Variants in ADAMTSL2 observed in about 807,000 individuals in gnomAD.
ADAMTSL2 encodes the protein ADAMTS like 2.
ADAMTSL2 carries 55 observed loss-of-function variants against 117.0 expected under a neutral mutation model. The ratio of observed to expected loss-of-function variants is 0.47; its 90% CI spans 0.38 to 0.59. The LOEUF (loss-of-function observed/expected upper bound fraction) is 0.59. ADAMTSL2 is among the 20% of genes least tolerant of loss of function. The pLI is 0.00. For synonymous variants in ADAMTSL2, 572 were observed against 566.4 expected (o/e 1.01, Z -0.14); for missense variants, 1,182 against 1,354.5 (o/e 0.87, Z 2.00).
At position 133,556,110 on chromosome 9, in the gene ADAMTSL2, A is replaced by G. The variant is rs927135584; in HGVS notation, c.1649+180A>G. ...CACTCGCTGCCCCGTGGATCTGAGC[A>G]CAAAGTCAGAGGCCTGGGCTGCAGT... is the stretch of plus-strand genomic sequence containing the variant. On this transcript the variant is annotated intron_variant, in intron 11 of 18. Coordinates refer to ENST00000651351, the MANE Select transcript of ADAMTSL2 (RefSeq NM_014694.4). Among the ~76,000 whole-genome samples, 4 of 152,354 alleles carry G rather than the reference A, an allele frequency of 2.6e-5. No homozygotes were observed. In the South Asian group the frequency reaches 8.3e-4, roughly 32 times the overall value.
chr9:133,566,026 C>G (rs1297353111), intron 12 of ADAMTSL2, among the ~76,000 whole-genome samples: 3 of 152,140 alleles, frequency 2.0e-5, no homozygotes, highest in African/African-American at 4.8e-5. Context: ...ACGAAAGAAG[C>G]AGAAGGTGGA....
In ADAMTSL2 at chr9:133,554,649, G is replaced by C. The variant is rs1354448523; in HGVS notation, c.1232G>C (p.Gly411Ala). 1 of 1,527,820 alleles carries C rather than the reference G, an allele frequency of 6.5e-7. No homozygotes were observed. The highest frequency in any genetic ancestry group is 2.4e-5 in the East Asian group (1 of 41,128). 94.6% of individuals were successfully genotyped at this position (1,527,820 alleles called of 1,614,324 possible). Residue 411 changes from glycine (G) to alanine (A), a missense_variant, in exon 10 of 19, where the codon GGC becomes GCC. By Grantham distance (60) the Gly-to-Ala change is moderately conservative (BLOSUM62 0). Transcript: ENST00000651351. This position sits in a 1 kb window ranked among gnomAD's most constrained non-coding sequence, Gnocchi z 5.2. ...ACCAACGAGGTGTGCGAGCAGGCCG[G>C]CGGCGGGGCCTGCGAGGGGCCCCCC... ...QETNEVCEQAGGGACEGPPRG... is the reference protein window; with the variant it reads ...QETNEVCEQAAGGACEGPPRG...
chr9:133,539,378 G>A (rs960779790), intron 4 of ADAMTSL2, among the ~76,000 whole-genome samples: 25 of 152,200 alleles, frequency 1.6e-4, no homozygotes, highest in Middle Eastern at 3.2e-3. Context: ...GCCACGGACC[G>A]TGTGCCAGGC....
intron 10 of ADAMTSL2, 38 bp from the exon 11 acceptor site, chr9:133,555,520 G>A (rs1588294288): frequency 7.4e-6 from 12 of 1,612,648 alleles, no homozygotes; most frequent in Middle Eastern, 1.7e-4. Flanking sequence ...CCCAGGGCTC[G>A]GATGTGCCCA....
chr9:133,540,484 T>C, intron 5 of ADAMTSL2, 114 bp from the exon 6 acceptor site: 2 of 1,416,484 alleles, frequency 1.4e-6, no homozygotes, highest in Non-Finnish European at 1.9e-6. Flanking sequence ...TCTCCAGGCC[T>C]GAGTTGCCCC....
chr9:133,570,575 G>T (rs937402803), intron 17 of ADAMTSL2, 68 bp downstream of exon 17: 1 of 1,517,878 alleles, frequency 6.6e-7, no homozygotes, highest in Non-Finnish European at 9.0e-7. Context: ...CGCCCCTCCC[G>T]CCTCAAGCCT....
chr9:133,549,503 A>ATTCTTTGG (rs1227295388), intron 9 of ADAMTSL2, among the ~76,000 whole-genome samples: 2 of 149,770 alleles, frequency 1.3e-5, no homozygotes, highest in African/African-American at 4.9e-5. Flanking sequence ...TGCCACATAG[A>ATTCTTTGG]TTCTTTGGCC....
upstream of ADAMTSL2, chr9:133,534,246 C>T (rs934418369): frequency 6.5e-6 from 1 of 153,416 alleles, no homozygotes; most frequent in Non-Finnish European, 1.5e-5. Context: ...TTCTGAGGCT[C>T]GTGACCTGGG....
chr9:133,550,611 T>G (rs1830459677), intron 9 of ADAMTSL2, among the ~76,000 whole-genome samples: 1 of 152,162 alleles, frequency 6.6e-6, no homozygotes. Flanking sequence ...AGGGGTCTGA[T>G]GTGATCAGCT....
At chr9:133,535,252 C>T (rs1409038801) in intron 1 of ADAMTSL2, among the ~76,000 whole-genome samples, 1 of 152,078 alleles carries the variant, frequency 6.6e-6, no homozygotes, top group Non-Finnish European at 1.5e-5. Flanking sequence ...AGTGTGAGGC[C>T]GGCTGGCACC....
At chr9:133,535,467 TG>T (rs1429341856) in intron 1 of ADAMTSL2, among the ~76,000 whole-genome samples, 1 of 151,996 alleles carries the variant, frequency 6.6e-6, no homozygotes. Flanking sequence ...GTGGTGTCCT[TG>T]GAGTGGCCCC....
upstream of ADAMTSL2, chr9:133,534,475 A>C (rs1428131422): frequency 2.7e-5 from 10 of 372,020 alleles, no homozygotes; most frequent in African/African-American, 1.7e-4. Context: ...TGTGGCCCCC[A>C]GTTCTGGACC....
At position 133,574,931 on chromosome 9, in the gene ADAMTSL2, G is replaced by GGA; in HGVS notation, c.*68_*69insAG. The GGA allele has an allele frequency of 2.3e-6, 3 of 1,294,148 alleles. No individual in the cohort carries two copies. Among genetic ancestry groups the GGA allele is most frequent in the Non-Finnish European group, 2.2e-6 (2 of 891,764 alleles). 80.2% of individuals were successfully genotyped at this position (1,294,148 alleles called of 1,614,324 possible). On this transcript the variant is annotated 3_prime_UTR_variant, in exon 19 of 19. Transcript: ENST00000651351. The stretch of plus-strand genomic sequence containing the variant: ...CCTCCTGGGGCTGCTGCAGCTTCTG[G>GGA]GGCCTCCACAGACCCCCCTCCTGCG...
Position 133,567,213 on chromosome 9 carries a change from C to A in ADAMTSL2, c.1874+151C>A, listed in dbSNP as rs1830995292. 4 of 961,536 alleles carry A rather than the reference C, an allele frequency of 4.2e-6. No individual in the cohort carries two copies. In the African/African-American group the frequency reaches 6.5e-5, roughly 16 times the overall value. The allele number at this position is 961,536 out of a possible 1,614,324, so 59.6% of individuals were successfully genotyped here. A position where few individuals can be genotyped will look rare whatever the true frequency, so the allele number is the denominator to read the frequency against. On this transcript the variant is annotated intron_variant, in intron 13 of 18. Transcript: ENST00000651351. ...TCGAGGAGGGGCATACAGACCTCACCCCTCAGAGACCTTCTGGGTCTTCCC... is the reference window on the plus strand; with the variant it reads ...TCGAGGAGGGGCATACAGACCTCACACCTCAGAGACCTTCTGGGTCTTCCC...
At chr9:133,560,404 G>C (rs1479029638) in intron 11 of ADAMTSL2, among the ~76,000 whole-genome samples, 6 of 152,212 alleles carry the variant, frequency 3.9e-5, no homozygotes, top group Non-Finnish European at 5.9e-5. Context: ...GCAGATGCCC[G>C]GGCTGTGGAG....
intron 11 of ADAMTSL2, among the ~76,000 whole-genome samples, 181 bp from the exon 12 acceptor site, chr9:133,561,017 G>A (rs1354795206): frequency 2.0e-5 from 3 of 152,236 alleles, no homozygotes; most frequent in Admixed American, 1.3e-4. Flanking sequence ...CGCCTCATCC[G>A]TTCCACTTCA....
rs776000640 is a variant in ADAMTSL2 at position 133,565,547 on chromosome 9, G to T, written c.1748-1389G>T. On this transcript the variant is annotated intron_variant, in intron 12 of 18. Coordinates refer to ENST00000651351, the MANE Select transcript of ADAMTSL2 (RefSeq NM_014694.4). ...GAAGCCAGCCTCCCCCTCAGAGAAGGCTAAAGGCTGCACGGCCCAGCTCTG... is the reference window on the plus strand; with the variant it reads ...GAAGCCAGCCTCCCCCTCAGAGAAGTCTAAAGGCTGCACGGCCCAGCTCTG... Among the ~76,000 whole-genome samples, 1,151 of 152,342 alleles carry T rather than the reference G, an allele frequency of 7.6e-3. 6 individuals are homozygous for T. Among genetic ancestry groups the T allele is most frequent in the Non-Finnish European group, 0.013 (882 of 68,030 alleles).
At chr9:133,572,616 T>C (rs1306373285) in intron 17 of ADAMTSL2, among the ~76,000 whole-genome samples, 1 of 152,016 alleles carries the variant, frequency 6.6e-6, no homozygotes, top group African/African-American at 2.4e-5. Context: ...TGATGAGCCA[T>C]GGCACGGGGG....
chr9:133,556,019 G>T (rs1310480884), intron 11 of ADAMTSL2, 89 bp downstream of exon 11: 2 of 1,524,194 alleles, frequency 1.3e-6, no homozygotes, highest in Non-Finnish European at 1.8e-6. Flanking sequence ...CCACTGGGGG[G>T]GTCTGGCCAG....
Sources: allele counts gnomAD v4.1 joint callset (sites outside exome capture counted in the v4.1 genomes callset), GRCh38; gene constraint gnomAD v4.1.1; non-coding constraint Gnocchi (gnomAD v3.1); transcripts MANE v1.5; gene names NCBI Gene and HGNC (gene_info 2026-07-23, HGNC 2026-07-21).